Variants in ADARB1 observed in about 807,000 individuals in gnomAD.
The protein encoded by ADARB1 is adenosine deaminase RNA specific B1.
Under a neutral mutation model 52.4 loss-of-function variants are expected in ADARB1, and 10 were observed. The ratio of observed to expected loss-of-function variants is 0.19; its 90% CI spans 0.12 to 0.32. The LOEUF (loss-of-function observed/expected upper bound fraction) is 0.32. Ranked by LOEUF, ADARB1 falls within the 10% of genes least tolerant of loss-of-function variation. The probability of loss-of-function intolerance (pLI) is 1.00; values close to 1 mark genes in which losing one functional copy is unlikely to be tolerated. For missense variants in ADARB1, 643 were observed against 922.3 expected, an observed-to-expected ratio of 0.70 and a Z score of 3.92; for synonymous variants, 349 against 371.1, an observed-to-expected ratio of 0.94 and a Z score of 0.68.
chr21:45,157,817 A>G lies in ADARB1; in HGVS notation c.-47-13793A>G, dbSNP rs1349206755. On this transcript the variant is annotated intron_variant, in intron 2 of 10. Coordinates refer to ENST00000348831, the MANE Select transcript of ADARB1 (RefSeq NM_001112.4). This position sits in a 1 kb window ranked among gnomAD's most constrained non-coding sequence, Gnocchi z 4.1. ...TCACTCAGGGACCTAGGTTTCTTCC[A>G]TCCTTAAGCTCTGTTCTCTAACAGA... Among the ~76,000 whole-genome samples the G allele has an allele frequency of 6.6e-6, 1 of 152,170 alleles. No individual in the cohort carries two copies. Among genetic ancestry groups the G allele is most frequent in the Non-Finnish European group, 1.5e-5 (1 of 68,010 alleles).
rs142608585 is a variant in ADARB1, at chr21:45,098,266, C to G, written c.-220+23473C>G. 1.4e-4 allele frequency among the ~76,000 whole-genome samples: 22 copies of G among 152,266 alleles called. No individual in the cohort carries two copies. The East Asian group carries it at 4.1e-3, about 28-fold the overall frequency. On this transcript the variant is annotated intron_variant, in intron 1 of 10. Transcript: ENST00000348831. ...CGGCTGTGCTTGACCCGGCTCCCATCTGTCTCCAGATCCCTTGGAGCACTC... is the reference window on the plus strand; with the variant it reads ...CGGCTGTGCTTGACCCGGCTCCCATGTGTCTCCAGATCCCTTGGAGCACTC...
At chr21:45,109,198 CG>C (rs2087402887) in intron 1 of ADARB1, among the ~76,000 whole-genome samples, 7 of 147,616 alleles carry the variant, frequency 4.7e-5, no homozygotes, top group African/African-American at 9.9e-5. Context: ...TGTGTGTGCA[CG>C]TGTGTTTGCG....
chr21:45,149,223 A>C (rs1021123782), intron 2 of ADARB1, among the ~76,000 whole-genome samples: 15 of 151,922 alleles, frequency 9.9e-5, no homozygotes, highest in East Asian at 3.9e-4. Context: ...CACTTGCCTT[A>C]CTCTATCTCA....
At chr21:45,118,355 C>T (rs1222647704) in intron 1 of ADARB1, among the ~76,000 whole-genome samples, 1 of 152,070 alleles carries the variant, frequency 6.6e-6, no homozygotes, top group Non-Finnish European at 1.5e-5. Flanking sequence ...CTTCTTAATT[C>T]ACTTCCTTAT....
chr21:45,182,507 G>A (rs1340975878), intron 5 of ADARB1, 78 bp from the exon 6 acceptor site: 4 of 1,472,248 alleles, frequency 2.7e-6, no homozygotes, highest in Admixed American at 4.7e-5. Context: ...CTGAGAATAA[G>A]AGTCAGACTT....
rs2089794757 is a variant in ADARB1 at position 45,142,755 on chromosome 21, A to C, written c.-48+14182A>C. On this transcript the variant is annotated intron_variant, in intron 2 of 10. Transcript: ENST00000348831. The surrounding 1 kb of genome is among the most constrained non-coding windows in gnomAD (Gnocchi z 4.0). ...GGCGTCCTTGCTTGGTCCCCCCATG[A>C]ACTCAGGGGTGTGGCCTGGCTCCGT... Among the ~76,000 whole-genome samples, 2 of 152,096 alleles carry C rather than the reference A, an allele frequency of 1.3e-5. No individual in the cohort carries two copies. Among genetic ancestry groups the C allele is most frequent in the African/African-American group, 4.8e-5 (2 of 41,408 alleles).
intron 1 of ADARB1, among the ~76,000 whole-genome samples, chr21:45,103,347 T>A (rs1318000784): frequency 1.3e-5 from 2 of 151,962 alleles, no homozygotes; most frequent in Non-Finnish European, 2.9e-5. Context: ...TTCCAGCGCG[T>A]TACATTTATT....
At chr21:45,112,484 T>C (rs937841648) in intron 1 of ADARB1, among the ~76,000 whole-genome samples, 8 of 151,534 alleles carry the variant, frequency 5.3e-5, no homozygotes, top group Non-Finnish European at 8.8e-5. Flanking sequence ...GGGCCAGGGC[T>C]TGGGGTCGGG....
In ADARB1 at chr21:45,172,793, G is replaced by A. The variant is rs9306120; in HGVS notation, c.28+1109G>A. Among the ~76,000 whole-genome samples the A allele has an allele frequency of 0.022, 3,370 of 152,282 alleles. 97 individuals are homozygous for A. The highest frequency in any genetic ancestry group is 0.062 in the African/African-American group (2,589 of 41,538). Reference sequence around the variant, plus strand: ...GGACCAGCGTGCTCACCTCACTTCCGCTGTTGTGTGCGCAGCCCGTGCCTG... The same window carrying A: ...GGACCAGCGTGCTCACCTCACTTCCACTGTTGTGTGCGCAGCCCGTGCCTG... On this transcript the variant is annotated intron_variant, in intron 3 of 10. Transcript: ENST00000348831. This position sits in a 1 kb window ranked among gnomAD's most constrained non-coding sequence, Gnocchi z 4.4.
intron 3 of ADARB1, among the ~76,000 whole-genome samples, chr21:45,173,911 T>TGTA (rs1601766197): frequency 1.3e-5 from 2 of 152,094 alleles, no homozygotes; most frequent in South Asian, 4.1e-4. Context: ...TCTCTTAGCC[T>TGTA]CTACCACAGT....
chr21:45,099,263 A>G (rs1447277335), intron 1 of ADARB1, among the ~76,000 whole-genome samples: 1 of 152,126 alleles, frequency 6.6e-6, no homozygotes, highest in East Asian at 1.9e-4. Flanking sequence ...GAGAGCAGCA[A>G]TTTCATTATT....
At chr21:45,098,405 A>G (rs539442142) in intron 1 of ADARB1, among the ~76,000 whole-genome samples, 1 of 152,192 alleles carries the variant, frequency 6.6e-6, no homozygotes, top group South Asian at 2.1e-4. Flanking sequence ...GCTTATTCCC[A>G]GCTGGTGGCT....
chr21:45,223,424 G>A lies in ADARB1; in HGVS notation c.*1227G>A, dbSNP rs561971512. ...GGAGTCAGCCCGGGAGGTCAGGAGC[G>A]CGGCGGGCGAGGGCCCTGTGTGGAC... On this transcript the variant is annotated 3_prime_UTR_variant, in exon 11 of 11. Transcript: ENST00000348831. The A allele has an allele frequency of 2.6e-5, 26 of 985,846 alleles. No individual in the cohort carries two copies. In the East Asian group the frequency reaches 1.0e-3, roughly 39 times the overall value. The allele number at this position is 985,846 out of a possible 1,614,324, so 61.1% of individuals were successfully genotyped here.
intron 1 of ADARB1, among the ~76,000 whole-genome samples, chr21:45,107,943 C>T (rs2087333572): frequency 1.3e-5 from 2 of 152,182 alleles, no homozygotes; most frequent in South Asian, 2.1e-4. Context: ...CACCTGTAGT[C>T]CCAGCTACTT....
rs117853849 is a variant in ADARB1 at position 45,181,039 on chromosome 21, A to G, written c.1078+595A>G. Among the ~76,000 whole-genome samples the G allele has an allele frequency of 1.1e-3, 174 of 152,314 alleles. 5 individuals carry two copies. The East Asian group carries it at 0.028, about 25-fold the overall frequency. On this transcript the variant is annotated intron_variant, in intron 5 of 10. Coordinates refer to ENST00000348831, the MANE Select transcript of ADARB1 (RefSeq NM_001112.4). ...GGGAAGGGAAGCCACATCCTTGGCC[A>G]GTGTCTGGCACCCCAGGGTGGAGCA...
Position 45,204,481 on chromosome 21 carries a change from C to T in ADARB1, c.1566-74C>T. ...GGAATTGCCAGTGCATCCCTGTAAC[C>T]ACGCAGGCTTGGGCTGGGCTGCGTC... On this transcript the variant is annotated intron_variant, in intron 8 of 10. Transcript: ENST00000348831. The surrounding 1 kb of genome is among the most constrained non-coding windows in gnomAD (Gnocchi z 4.4). The T allele has an allele frequency of 1.4e-6, 2 of 1,467,534 alleles. No homozygotes were observed. The highest frequency in any genetic ancestry group is 2.3e-5 in the East Asian group (1 of 43,854). The allele number at this position is 1,467,534 out of a possible 1,614,324, so 90.9% of individuals were successfully genotyped here. A position where few individuals can be genotyped will look rare whatever the true frequency, so the allele number is the denominator to read the frequency against.
rs1452850226 is a variant in ADARB1 at position 45,180,389 on chromosome 21, C to T, written c.1023C>T (p.Asn341=). 6.2e-7 allele frequency: 1 copy of T among 1,614,202 alleles called. No homozygotes were observed. The highest frequency in any genetic ancestry group is 2.2e-5 in the East Asian group (1 of 44,878). The change falls in exon 5 of 11, where the codon AAC becomes AAT. Residue 341 remains asparagine, a synonymous_variant. Coordinates refer to ENST00000348831, the MANE Select transcript of ADARB1 (RefSeq NM_001112.4). The part of the protein sequence containing the change: ...VLGKFGDLTD[N]FSSPHARRKV... Reference sequence around the variant, plus strand: ...GTAAGTTTGGTGACCTGACCGACAACTTCTCCTCCCCTCACGCTCGCAGAA... The same window carrying T: ...GTAAGTTTGGTGACCTGACCGACAATTTCTCCTCCCCTCACGCTCGCAGAA...
At position 45,220,010 on chromosome 21, in the gene ADARB1, A is replaced by C. The variant is rs1477177758; in HGVS notation, c.1748-826A>C. 5.0e-5 allele frequency among the ~76,000 whole-genome samples: 4 copies of C among 80,800 alleles called. No homozygotes were observed. The highest frequency in any genetic ancestry group is 2.0e-4 in the African/African-American group (4 of 19,958). The allele number at this position is 80,800 out of a possible 152,430, so 53.0% of individuals were successfully genotyped here. A position where few individuals can be genotyped will look rare whatever the true frequency, so the allele number is the denominator to read the frequency against. On this transcript the variant is annotated intron_variant, in intron 9 of 10. Coordinates refer to ENST00000348831, the MANE Select transcript of ADARB1 (RefSeq NM_001112.4). The surrounding 1 kb of genome is among the most constrained non-coding windows in gnomAD (Gnocchi z 6.3). ...TAGCCTTTTTTTTTTTTTTTTTTGG[A>C]TTATGCATTTTCTTCAGGATTGTCT...
rs1391130696 is a variant in ADARB1 at position 45,176,389 on chromosome 21, C to A, written c.688C>A (p.Pro230Thr). The change falls in exon 4 of 11, where the codon CCC (proline) becomes ACC (threonine). Residue 230 changes from proline (P) to threonine (T), a missense_variant. Transcript: ENST00000348831. The surrounding 1 kb of genome is among the most constrained non-coding windows in gnomAD (Gnocchi z 5.8). ...PPLPVLPPFPPPSGKNPVMIL... is the reference protein window; with the variant it reads ...PPLPVLPPFPTPSGKNPVMIL... ...TCTCCCTGTCTTACCACCATTCCCA[C>A]CCCCGAGTGGGAAGAATCCCGTGAT... 1.2e-6 allele frequency: 2 copies of A among 1,614,200 alleles called. No homozygotes were observed. The highest frequency in any genetic ancestry group is 1.7e-6 in the Non-Finnish European group (2 of 1,180,022).
Sources: gnomAD v4.1 joint callset for allele counts (sites outside exome capture counted in the v4.1 genomes callset) on GRCh38, gnomAD v4.1.1 for gene constraint, Gnocchi (gnomAD v3.1) non-coding constraint, MANE v1.5 for transcripts, NCBI Gene and HGNC (gene_info 2026-07-23, HGNC 2026-07-21) for gene names.